Variants in ROBO1 observed in about 807,000 individuals in gnomAD.
The protein encoded by ROBO1 is roundabout guidance receptor 1, also known as roundabout homolog 1.
Under a neutral mutation model 195.9 loss-of-function variants are expected in ROBO1, and 149 were observed. The observed-to-expected ratio is 0.76, with a 90% CI of 0.67 to 0.87. The LOEUF (loss-of-function observed/expected upper bound fraction) is 0.87. Among genes scored for constraint, ROBO1 ranks in the 40% least tolerant of loss-of-function variants. The pLI is 0.00. For missense variants in ROBO1, 1,933 were observed against 2,068.3 expected (o/e 0.93, Z 1.27); for synonymous variants, 816 against 733.2 (o/e 1.11, Z -1.82).
intron 2 of ROBO1, among the ~76,000 whole-genome samples, chr3:79,560,970 GT>G (rs1211362505): frequency 6.6e-6 from 1 of 151,746 alleles, no homozygotes; most frequent in Non-Finnish European, 1.5e-5. Flanking sequence ...TCAATCTGCT[GT>G]TTTTTTTCCC....
At chr3:79,376,295 A>C (rs747714974) in intron 2 of ROBO1, among the ~76,000 whole-genome samples, 3 of 152,168 alleles carry the variant, frequency 2.0e-5, no homozygotes, top group Non-Finnish European at 4.4e-5. Flanking sequence ...AGGACTAGGC[A>C]TCTACAATGC....
At chr3:78,867,710 C>T (rs1329885293) in intron 4 of ROBO1, among the ~76,000 whole-genome samples, 3 of 152,106 alleles carry the variant, frequency 2.0e-5, no homozygotes, top group Non-Finnish European at 4.4e-5. Context: ...GAGTTGAAAC[C>T]AAATAACCCA....
intron 2 of ROBO1, among the ~76,000 whole-genome samples, chr3:79,147,275 C>T (rs949523152): frequency 6.6e-6 from 1 of 151,888 alleles, no homozygotes; most frequent in African/African-American, 2.4e-5. Context: ...GATACTTTGC[C>T]AATCACAAAA....
At chr3:79,599,899 TTC>T (rs1944289924) in intron 1 of ROBO1, among the ~76,000 whole-genome samples, 2 of 152,054 alleles carry the variant, frequency 1.3e-5, no homozygotes, top group East Asian at 1.9e-4. Flanking sequence ...CCAAATTTTT[TTC>T]TTTTTCTTTC....
chr3:79,644,032 A>G (rs1945744959), intron 1 of ROBO1, among the ~76,000 whole-genome samples: 1 of 152,156 alleles, frequency 6.6e-6, no homozygotes, highest in Non-Finnish European at 1.5e-5. Flanking sequence ...ATTTGATGCA[A>G]CTGGGAACCA....
chr3:79,243,338 G>A (rs570866935), intron 2 of ROBO1, among the ~76,000 whole-genome samples: 30 of 152,098 alleles, frequency 2.0e-4, no homozygotes, highest in African/African-American at 7.2e-4. Context: ...TAATCCTTTG[G>A]GTATATACCC....
intron 3 of ROBO1, among the ~76,000 whole-genome samples, chr3:79,051,162 A>G (rs1231012462): frequency 6.6e-6 from 1 of 152,144 alleles, no homozygotes; most frequent in Non-Finnish European, 1.5e-5. Context: ...GACCAATAGC[A>G]AGACTAATAA....
intron 3 of ROBO1, among the ~76,000 whole-genome samples, chr3:79,089,803 G>A (rs989251598): frequency 3.3e-5 from 5 of 152,042 alleles, no homozygotes; most frequent in African/African-American, 1.2e-4. Context: ...TGATACATTT[G>A]CTTTTCATAA....
At chr3:79,499,142 G>A (rs375382657) in intron 2 of ROBO1, among the ~76,000 whole-genome samples, 5 of 151,984 alleles carry the variant, frequency 3.3e-5, no homozygotes, top group African/African-American at 2.4e-5. Context: ...TTACAGGCAC[G>A]CACCACCACG....
intron 1 of ROBO1, among the ~76,000 whole-genome samples, chr3:79,742,839 A>G (rs1043053077): frequency 6.6e-6 from 1 of 152,178 alleles, no homozygotes; most frequent in African/African-American, 2.4e-5. Flanking sequence ...GCTTGGTGAA[A>G]TGCCTTCTGT....
At chr3:78,804,821 T>C (rs557869956) in intron 4 of ROBO1, among the ~76,000 whole-genome samples, 34 of 151,852 alleles carry the variant, frequency 2.2e-4, no homozygotes, top group South Asian at 6.2e-4. Flanking sequence ...ACAAGTTCCA[T>C]TGGCTTGCAG....
intron 4 of ROBO1, among the ~76,000 whole-genome samples, chr3:78,820,601 G>A (rs1007809426): frequency 6.6e-6 from 1 of 152,156 alleles, no homozygotes; most frequent in East Asian, 1.9e-4. Context: ...ATCATTCATT[G>A]TTGATAGCTC....
intron 2 of ROBO1, among the ~76,000 whole-genome samples, chr3:79,500,698 AGC>A (rs1411135191): frequency 6.6e-6 from 1 of 152,236 alleles, no homozygotes; most frequent in Non-Finnish European, 1.5e-5. Flanking sequence ...GAATGATATT[AGC>A]GAAGTACATG....
chr3:78,763,141 C>T (rs545353023), intron 4 of ROBO1, among the ~76,000 whole-genome samples: 1 of 151,970 alleles, frequency 6.6e-6, no homozygotes, highest in African/African-American at 2.4e-5. Context: ...AGATACAGCT[C>T]GAAGTAAAGA....
chr3:78,679,513 A>G (rs2080833976), intron 10 of ROBO1, among the ~76,000 whole-genome samples: 2 of 152,182 alleles, frequency 1.3e-5, no homozygotes, highest in African/African-American at 4.8e-5. Flanking sequence ...AAAAATCACA[A>G]GCATTCTTAT....
intron 4 of ROBO1, among the ~76,000 whole-genome samples, chr3:78,914,945 C>G (rs1235807457): frequency 6.6e-6 from 1 of 151,568 alleles, no homozygotes; most frequent in African/African-American, 2.4e-5. Flanking sequence ...GCATAGAAAA[C>G]TTGGAAATGT....
At chr3:79,080,857 C>G (rs905570580) in intron 3 of ROBO1, among the ~76,000 whole-genome samples, 1 of 151,936 alleles carries the variant, frequency 6.6e-6, no homozygotes, top group East Asian at 1.9e-4. Flanking sequence ...TTTTCTTAAC[C>G]TTTTCTAGAC....
chr3:79,201,783 A>G (rs1388946814), intron 2 of ROBO1, among the ~76,000 whole-genome samples: 4 of 151,824 alleles, frequency 2.6e-5, no homozygotes, highest in Non-Finnish European at 5.9e-5. Flanking sequence ...AGTACAAACT[A>G]CAGCACTTAG....
chr3:78,914,356 T>G (rs1398754759), intron 4 of ROBO1, among the ~76,000 whole-genome samples: 1 of 152,086 alleles, frequency 6.6e-6, no homozygotes, highest in Non-Finnish European at 1.5e-5. Context: ...ATACGCAAAT[T>G]CAAAGGTTAA....
Sources: allele counts gnomAD v4.1 joint callset (sites outside exome capture counted in the v4.1 genomes callset), GRCh38; gene constraint gnomAD v4.1.1; transcripts MANE v1.5; gene names NCBI Gene and HGNC (gene_info 2026-07-23, HGNC 2026-07-21).